Variants in AIG1 observed in about 807,000 individuals in gnomAD.
AIG1 encodes the protein androgen-induced gene 1 protein.
AIG1 carries 23 observed loss-of-function variants against 31.4 expected under a neutral mutation model. The ratio of observed to expected loss-of-function variants is 0.73; its 90% CI spans 0.53 to 1.04. The LOEUF (loss-of-function observed/expected upper bound fraction) is 1.04, where lower values mean the gene tolerates loss of function less well. Among genes scored for constraint, AIG1 ranks in the 50% least tolerant of loss-of-function variants. The pLI is 0.00. For synonymous variants in AIG1, 100 were observed against 110.5 expected (o/e 0.90, Z 0.60); for missense variants, 274 against 295.0 (o/e 0.93, Z 0.52).
At chr6:143,072,140 T>C (rs1777347757) in intron 1 of AIG1, among the ~76,000 whole-genome samples, 1 of 152,154 alleles carries the variant, frequency 6.6e-6, no homozygotes, top group Non-Finnish European at 1.5e-5. Context: ...ACGTTGAATA[T>C]ATTTTCATGT....
chr6:143,260,009 T>C (rs987363975), intron 3 of AIG1, among the ~76,000 whole-genome samples: 1 of 147,090 alleles, frequency 6.8e-6, no homozygotes, highest in African/African-American at 2.5e-5. Flanking sequence ...CTTGTGCTTC[T>C]TGTGCTTCTT....
chr6:143,262,220 A>C (rs1432421773), intron 3 of AIG1, among the ~76,000 whole-genome samples: 1 of 152,234 alleles, frequency 6.6e-6, no homozygotes, highest in Non-Finnish European at 1.5e-5. Flanking sequence ...CAGGGGAGGG[A>C]AGGTAAATGG....
At chr6:143,150,520 G>T (rs1785111937) in intron 2 of AIG1, among the ~76,000 whole-genome samples, 1 of 152,162 alleles carries the variant, frequency 6.6e-6, no homozygotes, top group African/African-American at 2.4e-5. Flanking sequence ...CCTACAGATT[G>T]TGATGTCAGG....
chr6:143,154,000 C>T (rs1438789259), intron 2 of AIG1, among the ~76,000 whole-genome samples: 2 of 151,486 alleles, frequency 1.3e-5, no homozygotes, highest in African/African-American at 4.9e-5. Context: ...CCTATAATCC[C>T]AGCACTTTGG....
intron 3 of AIG1, among the ~76,000 whole-genome samples, chr6:143,196,801 T>A (rs866381394): frequency 6.6e-6 from 1 of 152,144 alleles, no homozygotes; most frequent in South Asian, 2.1e-4. Flanking sequence ...TGCTTCTCAG[T>A]TCCTTCTCAT....
chr6:143,215,612 C>G (rs901871016), intron 3 of AIG1, among the ~76,000 whole-genome samples: 1 of 152,058 alleles, frequency 6.6e-6, no homozygotes, highest in African/African-American at 2.4e-5. Flanking sequence ...TTCTTCGGGC[C>G]TGGATTTGAG....
rs552978596 is a variant in AIG1 at position 143,259,458 on chromosome 6, A to G, written c.400-24652A>G. Among the ~76,000 whole-genome samples the G allele has an allele frequency of 3.3e-5, 5 of 152,178 alleles. No individual in the cohort carries two copies. The South Asian group carries it at 1.0e-3, about 32-fold the overall frequency. ...TTTCTCTACTATGCATTGCGGGCTC[A>G]TCTCTTCTGCCATCTAGCCATTAAA... On this transcript the variant is annotated intron_variant, in intron 3 of 5. Transcript: ENST00000357847.
rs568745462 is a variant in AIG1, at chr6:143,313,740, A to T, written c.516-19542A>T. Among the ~76,000 whole-genome samples the T allele has an allele frequency of 5.9e-5, 9 of 152,246 alleles. No individual in the cohort carries two copies. The South Asian group carries it at 1.9e-3, about 32-fold the overall frequency. On this transcript the variant is annotated intron_variant, in intron 4 of 5. Transcript: ENST00000357847. ...AAATGATAAATGCTTGAGGTGATGG[A>T]TACCCCATTTACCCTGATATGATTA...
intron 1 of AIG1, among the ~76,000 whole-genome samples, chr6:143,113,784 T>C (rs1027275526): frequency 6.6e-6 from 1 of 151,242 alleles, no homozygotes; most frequent in African/African-American, 2.4e-5. Flanking sequence ...AATGTTTTCT[T>C]TTTTTTTTGA....
intron 5 of AIG1, chr6:143,335,530 CAAAAA>C (rs35780151): frequency 1.8e-5 from 2 of 110,120 alleles, no homozygotes; most frequent in Non-Finnish European, 1.9e-5. Context: ...GACTCCATCT[CAAAAA>C]AAAAAAAAAA....
Position 143,227,986 on chromosome 6 carries a change from C to T in AIG1, c.400-56124C>T, listed in dbSNP as rs111737139. Among the ~76,000 whole-genome samples, 358 of 152,298 alleles carry T rather than the reference C, an allele frequency of 2.4e-3. 1 individual carries two copies. The highest frequency in any genetic ancestry group is 3.7e-3 in the Non-Finnish European group (251 of 68,020). ...TCCTCTCTTTCTATTTTATCTTTCT[C>T]TGTAGTGAGTTCAAACACTTTAAAG... is the stretch of plus-strand genomic sequence containing the variant. On this transcript the variant is annotated intron_variant, in intron 3 of 5. Transcript: ENST00000357847.
intron 2 of AIG1, among the ~76,000 whole-genome samples, chr6:143,156,864 C>G (rs1173173982): frequency 6.6e-6 from 1 of 152,204 alleles, no homozygotes; most frequent in East Asian, 1.9e-4. Flanking sequence ...GAGGAGGGAG[C>G]ATGACCTTGG....
rs755535967 is a variant in AIG1, at chr6:143,061,114, G to C, written c.141+48G>C. 10 of 1,582,234 alleles carry C rather than the reference G, an allele frequency of 6.3e-6. No individual in the cohort carries two copies. In the East Asian group the frequency reaches 1.4e-4, roughly 22 times the overall value. On this transcript the variant is annotated intron_variant, in intron 1 of 5. Coordinates refer to ENST00000357847, the MANE Select transcript of AIG1 (RefSeq NM_016108.4). ...CTCGCCCCGCACCCCGTGCCTGTGTGTGCGTGTGTGTGTGTGTGTGTGTGT... is the reference window on the plus strand; with the variant it reads ...CTCGCCCCGCACCCCGTGCCTGTGTCTGCGTGTGTGTGTGTGTGTGTGTGT...
chr6:143,285,556 G>A (rs1326062886), intron 4 of AIG1, among the ~76,000 whole-genome samples: 2 of 151,420 alleles, frequency 1.3e-5, no homozygotes, highest in South Asian at 2.1e-4. Flanking sequence ...CCACCTACTC[G>A]GGAGGCTGAG....
At chr6:143,281,487 G>A (rs1797337443) in intron 3 of AIG1, among the ~76,000 whole-genome samples, 2 of 152,088 alleles carry the variant, frequency 1.3e-5, no homozygotes, top group African/African-American at 4.8e-5. Flanking sequence ...GCCTGAGAAT[G>A]GGTTGGAACT....
intron 1 of AIG1, among the ~76,000 whole-genome samples, chr6:143,126,075 T>A (rs373439232): frequency 4.6e-5 from 7 of 152,242 alleles, no homozygotes; most frequent in Non-Finnish European, 8.8e-5. Flanking sequence ...GCTTAAAGCA[T>A]GTCACTTAGA....
rs1160587431 is a variant in AIG1, at chr6:143,080,359, TGTA to T, written c.141+19296_141+19298del. 7.2e-5 allele frequency among the ~76,000 whole-genome samples: 11 copies of T among 152,330 alleles called. No homozygotes were observed. The East Asian group carries it at 2.1e-3, about 29-fold the overall frequency. On this transcript the variant is annotated intron_variant, in intron 1 of 5. Coordinates refer to ENST00000357847, the MANE Select transcript of AIG1 (RefSeq NM_016108.4). The stretch of plus-strand genomic sequence containing the variant: ...CTGGGGCTCCATTTGAAGAACCATT[TGTA>T]GTTTTACAGCTTCGATTCTGGAAGA...
chr6:143,242,066 T>C (rs1373453872), intron 3 of AIG1, among the ~76,000 whole-genome samples: 1 of 152,182 alleles, frequency 6.6e-6, no homozygotes, highest in Non-Finnish European at 1.5e-5. Flanking sequence ...CAGCTGTGTT[T>C]TGATCTCTGT....
At chr6:143,251,934 C>T (rs2128648350) in intron 3 of AIG1, among the ~76,000 whole-genome samples, 1 of 152,326 alleles carries the variant, frequency 6.6e-6, no homozygotes, top group Non-Finnish European at 1.5e-5. Context: ...ATCTCCAAAG[C>T]TTAATCAAAC....
Sources: gnomAD v4.1 joint callset for allele counts (sites outside exome capture counted in the v4.1 genomes callset) on GRCh38, gnomAD v4.1.1 for gene constraint, MANE v1.5 for transcripts, NCBI Gene and HGNC (gene_info 2026-07-23, HGNC 2026-07-21) for gene names.